The following CD48 variants were observed in gnomAD, a reference collection of about 807,000 sequenced individuals.
CD48 encodes the protein CD48 antigen.
In CD48, 20 loss-of-function variants were observed where a neutral mutation model predicts 22.0. That is an observed-to-expected ratio of 0.91 (90% CI 0.64 to 1.32). The LOEUF (loss-of-function observed/expected upper bound fraction) is 1.32, where lower values mean the gene tolerates loss of function less well. Among genes scored for constraint, CD48 ranks in the 40% most tolerant of loss-of-function variants. The pLI is 0.00. For missense variants in CD48, 307 were observed against 286.5 expected (o/e 1.07, Z -0.52); for synonymous variants, 110 against 110.1 (o/e 1.00, Z 0.01).
chr1:160,679,718 T>C (rs1228188468), intron 3 of CD48, among the ~76,000 whole-genome samples: 1 of 152,044 alleles, frequency 6.6e-6, no homozygotes, highest in East Asian at 1.9e-4. Context: ...TAGGATAATT[T>C]CGGTGACTAA....
chr1:160,686,421 A>C (rs1469396697), intron 1 of CD48, among the ~76,000 whole-genome samples: 1 of 152,200 alleles, frequency 6.6e-6, no homozygotes, highest in Non-Finnish European at 1.5e-5. Context: ...AAAATGGAGA[A>C]AATACTAAGA....
At chr1:160,694,664 C>T (rs1368623730) in intron 1 of CD48, among the ~76,000 whole-genome samples, 1 of 151,836 alleles carries the variant, frequency 6.6e-6, no homozygotes, top group Non-Finnish European at 1.5e-5. Flanking sequence ...GGGATATATA[C>T]CAGGAAAGGG....
intron 1 of CD48, among the ~76,000 whole-genome samples, chr1:160,689,315 T>C (rs568134609): frequency 2.0e-5 from 3 of 152,174 alleles, no homozygotes; most frequent in Non-Finnish European, 4.4e-5. Context: ...ATCATTAGTG[T>C]AGATTTCTGC....
intron 1 of CD48, among the ~76,000 whole-genome samples, chr1:160,701,555 G>T (rs987284779): frequency 2.0e-5 from 3 of 152,064 alleles, no homozygotes; most frequent in Non-Finnish European, 2.9e-5. Context: ...GTGACTGGGA[G>T]GGGTTTGGTA....
chr1:160,704,576 T>C (rs1571072311), intron 1 of CD48, among the ~76,000 whole-genome samples: 1 of 152,340 alleles, frequency 6.6e-6, no homozygotes, highest in African/African-American at 2.4e-5. Context: ...AGGTTGGAAG[T>C]GAACAACAGC....
intron 1 of CD48, among the ~76,000 whole-genome samples, chr1:160,704,450 C>A (rs1482504642): frequency 6.6e-6 from 1 of 152,176 alleles, no homozygotes; most frequent in Non-Finnish European, 1.5e-5. Flanking sequence ...TCCCGCTACC[C>A]ACTTCAGTGA....
rs749324209 is a variant in CD48 at position 160,711,729 on chromosome 1, A to G, written c.35T>C (p.Leu12Pro). The part of the protein sequence containing the change: ...CSRGWDSCLA[L>P]ELLLLPLSLL... ...TGACAGAGGCAGCAGTAGCAATTCCAGAGCCAGACACGAATCCCAACCTCT... is the reference window on the plus strand; with the variant it reads ...TGACAGAGGCAGCAGTAGCAATTCCGGAGCCAGACACGAATCCCAACCTCT... Residue 12 changes from leucine to proline, a missense_variant, in exon 1 of 4, where the codon CTG becomes CCG. By Grantham distance (98) the Leu-to-Pro change is moderately conservative (BLOSUM62 -3). Coordinates refer to ENST00000368046, the MANE Select transcript of CD48 (RefSeq NM_001778.4). 1.9e-6 allele frequency: 3 copies of G among 1,613,810 alleles called. No individual in the cohort carries two copies. The highest frequency in any genetic ancestry group is 2.5e-6 in the Non-Finnish European group (3 of 1,179,720).
At chr1:160,708,419 G>T (rs1277830650) in intron 1 of CD48, among the ~76,000 whole-genome samples, 2 of 152,174 alleles carry the variant, frequency 1.3e-5, no homozygotes, top group African/African-American at 2.4e-5. Context: ...GTAGAGAACA[G>T]GTTAGCTAGA....
At chr1:160,694,486 G>A (rs1183038368) in intron 1 of CD48, among the ~76,000 whole-genome samples, 1 of 151,826 alleles carries the variant, frequency 6.6e-6, no homozygotes, top group Middle Eastern at 3.4e-3. Flanking sequence ...AGAGTACTGA[G>A]ATTTTACATT....
intron 1 of CD48, chr1:160,699,558 C>T (rs1038663833): frequency 6.6e-6 from 1 of 152,292 alleles, no homozygotes; most frequent in African/African-American, 2.4e-5. Flanking sequence ...CTGCCCATCC[C>T]TGGGCAATGG....
chr1:160,700,101 G>C (rs1662580543), intron 1 of CD48, among the ~76,000 whole-genome samples: 1 of 152,138 alleles, frequency 6.6e-6, no homozygotes, highest in African/African-American at 2.4e-5. Context: ...AAGTATAAGA[G>C]GTAGAAATAA....
chr1:160,700,898 CCTCTATAACACAGCAG>C (rs1286756359), intron 1 of CD48, among the ~76,000 whole-genome samples: 1 of 152,042 alleles, frequency 6.6e-6, no homozygotes, highest in Non-Finnish European at 1.5e-5. Context: ...TGTAATCCAG[CCTCTATAACACAGCAG>C]CTCAAAATTT....
Position 160,703,832 on chromosome 1 carries a change from G to C in CD48, c.82+7850C>G, listed in dbSNP as rs369083035. 1.2e-4 allele frequency among the ~76,000 whole-genome samples: 19 copies of C among 152,280 alleles called. No homozygotes were observed. In the East Asian group the frequency reaches 2.5e-3, roughly 20 times the overall value. On this transcript the variant is annotated intron_variant, in intron 1 of 3. Coordinates refer to ENST00000368046, the MANE Select transcript of CD48 (RefSeq NM_001778.4). ...TGGGGTAGGAGGGACCCAGACAGAGGAAAGAGCCAGAGCAAAGGCCCTGGG... is the reference window on the plus strand; with the variant it reads ...TGGGGTAGGAGGGACCCAGACAGAGCAAAGAGCCAGAGCAAAGGCCCTGGG...
At chr1:160,679,402 A>G (rs927171606) in intron 3 of CD48, among the ~76,000 whole-genome samples, 4 of 152,204 alleles carry the variant, frequency 2.6e-5, no homozygotes, top group Non-Finnish European at 4.4e-5. Context: ...CTGGGAAAGC[A>G]TTGCTCCCCT....
chr1:160,705,779 C>T (rs962537591), intron 1 of CD48, among the ~76,000 whole-genome samples: 1 of 152,176 alleles, frequency 6.6e-6, no homozygotes, highest in African/African-American at 2.4e-5. Flanking sequence ...TTTTGGGCCA[C>T]ATAATTCTTT....
intron 1 of CD48, among the ~76,000 whole-genome samples, chr1:160,694,818 G>A (rs1662353425): frequency 6.6e-6 from 1 of 152,156 alleles, no homozygotes; most frequent in South Asian, 2.1e-4. Flanking sequence ...CAGAAAAACT[G>A]GTGTGGGTAA....
At chr1:160,704,975 G>GA (rs1460459913) in intron 1 of CD48, among the ~76,000 whole-genome samples, 1 of 152,120 alleles carries the variant, frequency 6.6e-6, no homozygotes, top group Non-Finnish European at 1.5e-5. Flanking sequence ...AAGAGCTGTG[G>GA]AATAAAAGCT....
At chr1:160,696,283 G>A (rs1055483934) in intron 1 of CD48, among the ~76,000 whole-genome samples, 2 of 152,408 alleles carry the variant, frequency 1.3e-5, no homozygotes, top group African/African-American at 4.8e-5. Context: ...TGCATATGTA[G>A]TACAGGCTAC....
chr1:160,703,386 C>A (rs968898644), intron 1 of CD48, among the ~76,000 whole-genome samples: 2 of 152,068 alleles, frequency 1.3e-5, no homozygotes, highest in African/African-American at 4.8e-5. Flanking sequence ...GATTGAACAG[C>A]GCATATCGAT....
Sources: gnomAD v4.1 joint callset for allele counts (sites outside exome capture counted in the v4.1 genomes callset) on GRCh38, gnomAD v4.1.1 for gene constraint, MANE v1.5 for transcripts, NCBI Gene and HGNC (gene_info 2026-07-23, HGNC 2026-07-21) for gene names.